The following CNTNAP2 variants were observed in gnomAD, a reference collection of about 807,000 sequenced individuals.
CNTNAP2 encodes the protein contactin-associated protein-like 2.
CNTNAP2 carries 98 observed loss-of-function variants against 155.2 expected under a neutral mutation model. The ratio of observed to expected loss-of-function variants is 0.63; its 90% CI spans 0.54 to 0.75. The LOEUF (loss-of-function observed/expected upper bound fraction) is 0.75. CNTNAP2 is among the 30% of genes least tolerant of loss of function. The pLI, the probability that CNTNAP2 is intolerant of heterozygous loss-of-function variation, is 0.00. For missense variants in CNTNAP2, 1,727 were observed against 1,688.1 expected (o/e 1.02, Z -0.40); for synonymous variants, 651 against 631.2 (o/e 1.03, Z -0.47).
chr7:146,292,187 A>T (rs1212305863), intron 1 of CNTNAP2, among the ~76,000 whole-genome samples: 1 of 151,972 alleles, frequency 6.6e-6, no homozygotes, highest in Non-Finnish European at 1.5e-5. Context: ...ATACCACCTC[A>T]CTCTTGTTAA....
rs563535172 is a variant in CNTNAP2 at position 147,302,982 on chromosome 7, C to G, written c.1498+2692C>G. ...CCTTGAATCAAATGTTCTCCCGAAGCAGCGACGCTGAATGGTGGGATTCAG... is the reference window on the plus strand; with the variant it reads ...CCTTGAATCAAATGTTCTCCCGAAGGAGCGACGCTGAATGGTGGGATTCAG... On this transcript the variant is annotated intron_variant, in intron 9 of 23. Coordinates refer to ENST00000361727, the MANE Select transcript of CNTNAP2 (RefSeq NM_014141.6). 5.9e-5 allele frequency among the ~76,000 whole-genome samples: 9 copies of G among 152,354 alleles called. No homozygotes were observed. In the South Asian group the frequency reaches 8.3e-4, roughly 14 times the overall value.
intron 3 of CNTNAP2, among the ~76,000 whole-genome samples, chr7:147,033,990 A>G (rs530801969): frequency 6.6e-6 from 1 of 152,204 alleles, no homozygotes; most frequent in Non-Finnish European, 1.5e-5. Flanking sequence ...AGCAGGACAT[A>G]TGCAGAGTAG....
intron 15 of CNTNAP2, among the ~76,000 whole-genome samples, chr7:147,985,378 T>G (rs1312508232): frequency 6.7e-6 from 1 of 149,504 alleles, no homozygotes; most frequent in Non-Finnish European, 1.5e-5. Flanking sequence ...CCATTTAATC[T>G]GACTCTTGGG....
chr7:147,553,916 C>T (rs537374090), intron 11 of CNTNAP2, among the ~76,000 whole-genome samples: 7 of 152,100 alleles, frequency 4.6e-5, no homozygotes, highest in African/African-American at 1.7e-4. Flanking sequence ...GAGCCGAGAT[C>T]GCGTCATTGC....
Position 146,618,999 on chromosome 7 carries a change from G to C in CNTNAP2, c.98-155272G>C, listed in dbSNP as rs570378691. On this transcript the variant is annotated intron_variant, in intron 1 of 23. Transcript: ENST00000361727. ...GTAGGAGAATCGCTTGAACCCAGGA[G>C]GGAGGCAGAGGTTGCAGTGAGCCAA... is the stretch of plus-strand genomic sequence containing the variant. Among the ~76,000 whole-genome samples, 128 of 151,804 alleles carry C rather than the reference G, an allele frequency of 8.4e-4. 1 individual carries two copies. Among genetic ancestry groups the C allele is most frequent in the African/African-American group, 3.0e-3 (124 of 41,412 alleles).
chr7:147,468,798 T>A (rs984451724), intron 10 of CNTNAP2, among the ~76,000 whole-genome samples: 2 of 152,062 alleles, frequency 1.3e-5, no homozygotes, highest in Admixed American at 6.6e-5. Context: ...AGTAGCAGGA[T>A]GGAAACTGCC....
chr7:147,338,066 C>T (rs1407309658), intron 9 of CNTNAP2, among the ~76,000 whole-genome samples: 3 of 152,044 alleles, frequency 2.0e-5, no homozygotes, highest in African/African-American at 7.2e-5. Context: ...TAAGGAAATA[C>T]CTGAGACTGG....
chr7:147,705,037 A>G (rs1796290339), intron 13 of CNTNAP2, among the ~76,000 whole-genome samples: 1 of 151,240 alleles, frequency 6.6e-6, no homozygotes, highest in African/African-American at 2.4e-5. Context: ...GATCCTTTGT[A>G]TTTTTTTAAG....
At chr7:146,706,777 G>A (rs1419244580) in intron 1 of CNTNAP2, among the ~76,000 whole-genome samples, 2 of 152,110 alleles carry the variant, frequency 1.3e-5, no homozygotes. Flanking sequence ...AGAGTGGACG[G>A]TGGGAGCAGG....
chr7:146,797,861 A>C (rs1802799255), intron 2 of CNTNAP2, among the ~76,000 whole-genome samples: 1 of 152,212 alleles, frequency 6.6e-6, no homozygotes, highest in South Asian at 2.1e-4. Context: ...AAGTTGTTCA[A>C]AAATATTTCA....
At chr7:146,349,852 G>T (rs1415693662) in intron 1 of CNTNAP2, among the ~76,000 whole-genome samples, 1 of 152,044 alleles carries the variant, frequency 6.6e-6, no homozygotes, top group African/African-American at 2.4e-5. Context: ...TTAGTCTGAT[G>T]GGTTTCCCTT....
chr7:147,132,011 A>C (rs1801384545), intron 7 of CNTNAP2, among the ~76,000 whole-genome samples: 1 of 152,054 alleles, frequency 6.6e-6, no homozygotes, highest in Non-Finnish European at 1.5e-5. Flanking sequence ...CCCATGGTGG[A>C]AGCTGCTTGT....
At chr7:147,807,140 C>T (rs960492452) in intron 13 of CNTNAP2, among the ~76,000 whole-genome samples, 4 of 151,544 alleles carry the variant, frequency 2.6e-5, no homozygotes, top group African/African-American at 9.7e-5. Flanking sequence ...AATGAGACCC[C>T]TATCTCTACA....
chr7:147,117,602 G>A (rs6464784), intron 5 of CNTNAP2, among the ~76,000 whole-genome samples: 124,385 of 152,070 alleles, frequency 0.82, 51,378 homozygotes, highest in Non-Finnish European at 0.88. Flanking sequence ...CTTGGCCCCT[G>A]TCTCACCTGT....
chr7:146,727,317 G>A (rs1801448313), intron 1 of CNTNAP2, among the ~76,000 whole-genome samples: 1 of 152,116 alleles, frequency 6.6e-6, no homozygotes, highest in Admixed American at 6.5e-5. Context: ...CTTAGGTGGT[G>A]TACTTGGAAT....
At chr7:146,166,526 AACTT>A (rs1798314912) in intron 1 of CNTNAP2, among the ~76,000 whole-genome samples, 1 of 152,194 alleles carries the variant, frequency 6.6e-6, no homozygotes, top group Non-Finnish European at 1.5e-5. Context: ...GTTTCATACT[AACTT>A]CATGAACTTA....
intron 17 of CNTNAP2, among the ~76,000 whole-genome samples, chr7:148,159,147 A>C (rs1805463349): frequency 6.6e-6 from 1 of 152,048 alleles, no homozygotes; most frequent in Non-Finnish European, 1.5e-5. Flanking sequence ...AGGCCCCCTG[A>C]TGTGCAGGAT....
At chr7:148,135,205 C>T (rs1447266093) in intron 16 of CNTNAP2, among the ~76,000 whole-genome samples, 1 of 152,100 alleles carries the variant, frequency 6.6e-6, no homozygotes, top group Non-Finnish European at 1.5e-5. Flanking sequence ...TTCCAATTGG[C>T]TGGTCGGATG....
chr7:147,011,180 G>C (rs1798615768), intron 3 of CNTNAP2, among the ~76,000 whole-genome samples: 1 of 151,970 alleles, frequency 6.6e-6, no homozygotes, highest in Admixed American at 6.6e-5. Context: ...TTGGGAGGCT[G>C]AGGCAGGTGG....
Sources: gnomAD v4.1 joint callset for allele counts (sites outside exome capture counted in the v4.1 genomes callset) on GRCh38, gnomAD v4.1.1 for gene constraint, MANE v1.5 for transcripts, NCBI Gene and HGNC (gene_info 2026-07-23, HGNC 2026-07-21) for gene names.